Variants in NPR2 observed in about 807,000 individuals in gnomAD.
The protein encoded by NPR2 is natriuretic peptide receptor 2, also known as atrial natriuretic peptide receptor 2.
A neutral mutation model predicts 120.7 loss-of-function variants in NPR2; 49 were observed. That is an observed-to-expected ratio of 0.41 (90% confidence interval 0.32 to 0.52). NPR2 has a LOEUF of 0.52. Ranked by LOEUF, NPR2 falls within the 20% of genes least tolerant of loss-of-function variation. The pLI is 0.36. For synonymous variants in NPR2, 484 were observed against 519.8 expected, an observed-to-expected ratio of 0.93 and a Z score of 0.94; for missense variants, 931 against 1,362.9, an observed-to-expected ratio of 0.68 and a Z score of 4.99.
chr9:35,794,203 A>G (rs749591304), intron 2 of NPR2, 100 bp downstream of exon 2: 5 of 1,117,644 alleles, frequency 4.5e-6, no homozygotes, highest in Non-Finnish European at 6.4e-6. Flanking sequence ...CCAGGCAGGA[A>G]TTGTGAGCCA....
intron 2 of NPR2, among the ~76,000 whole-genome samples, chr9:35,794,996 C>T (rs775084743): frequency 9.9e-5 from 15 of 152,176 alleles, no homozygotes; most frequent in South Asian, 8.3e-4. Context: ...TGGAAAGAAA[C>T]GCATTTCAGA....
At position 35,793,060 on chromosome 9, in the gene NPR2, C is replaced by A; in HGVS notation, c.652C>A (p.Arg218=). 1 of 1,597,500 alleles carries A rather than the reference C, an allele frequency of 6.3e-7. No homozygotes were observed. Residue 218 remains arginine (R), a synonymous_variant, in exon 1 of 22, where the codon CGG becomes AGG. Transcript: ENST00000342694. ...CCCCGAGCAGGCCACCCACTTCATC[C>A]GGGCCAACGGGCGCAGTGAGTGTGG... ...GGPEQATHFI[R]ANGRIVYICG...
intron 12 of NPR2, among the ~76,000 whole-genome samples, chr9:35,804,981 C>A (rs1828310788): frequency 1.3e-5 from 2 of 148,246 alleles, no homozygotes; most frequent in South Asian, 4.5e-4. Context: ...TCCTCCTCTA[C>A]CCCGACCTGC....
At chr9:35,799,975 G>C in intron 3 of NPR2, 47 bp from the exon 4 acceptor site, 4 of 1,612,404 alleles carry the variant, frequency 2.5e-6, no homozygotes, top group Admixed American at 1.7e-5. Flanking sequence ...GAGGGGAAGG[G>C]GCCTTGCAGG....
chr9:35,803,473 C>T (rs1344321824), intron 12 of NPR2, among the ~76,000 whole-genome samples: 2 of 152,126 alleles, frequency 1.3e-5, no homozygotes, highest in Non-Finnish European at 2.9e-5. Context: ...CCTGTTTTTC[C>T]TCTCATTATT....
intron 2 of NPR2, among the ~76,000 whole-genome samples, chr9:35,795,754 T>C (rs1253606571): frequency 6.6e-6 from 1 of 152,252 alleles, no homozygotes; most frequent in African/African-American, 2.4e-5. Context: ...ACCAGTTATT[T>C]TCCTTTCTAG....
At position 35,802,996 on chromosome 9, in the gene NPR2, G is replaced by A. The variant is rs780750167; in HGVS notation, c.1887+193G>A. Reference sequence around the variant, plus strand: ...GACAGTGAGTTTTACCTGCCACAAGGAGTCCTGTGCCTGTAGAGAGTTTCT... The same window carrying A: ...GACAGTGAGTTTTACCTGCCACAAGAAGTCCTGTGCCTGTAGAGAGTTTCT... On this transcript the variant is annotated intron_variant, in intron 12 of 21. Coordinates refer to ENST00000342694, the MANE Select transcript of NPR2 (RefSeq NM_003995.4). The surrounding 1 kb of genome is among the most constrained non-coding windows in gnomAD (Gnocchi z 4.2). Among the ~76,000 whole-genome samples the A allele has an allele frequency of 4.3e-4, 66 of 152,322 alleles. No individual in the cohort carries two copies. Among genetic ancestry groups the A allele is most frequent in the Admixed American group, 1.2e-3 (19 of 15,302 alleles).
Position 35,800,757 on chromosome 9 carries a change from C to T in NPR2, c.1267C>T (p.Arg423Trp), listed in dbSNP as rs143599560. The T allele has an allele frequency of 5.9e-5, 95 of 1,614,014 alleles. No homozygotes were observed. Among genetic ancestry groups the T allele is most frequent in the Middle Eastern group, 4.9e-4 (3 of 6,084 alleles). ...GAEKQIWWTG[R>W]PIPWVKGAPP... ...TGAGAAGCAGATTTGGTGGACGGGA[C>T]GGCCTATTCCCTGGGTGAAGGGGGC... The change falls in exon 6 of 22, where the codon CGG becomes TGG. Residue 423 changes from arginine to tryptophan, a missense_variant. Coordinates refer to ENST00000342694, the MANE Select transcript of NPR2 (RefSeq NM_003995.4). The surrounding 1 kb of genome is among the most constrained non-coding windows in gnomAD (Gnocchi z 4.7).
At position 35,792,852 on chromosome 9, in the gene NPR2, G is replaced by A. The variant is rs1827829331; in HGVS notation, c.444G>A (p.Lys148=). 6.2e-7 allele frequency: 1 copy of A among 1,614,204 alleles called. No homozygotes were observed. The highest frequency in any genetic ancestry group is 1.3e-5 in the African/African-American group (1 of 75,050). ...TTCGCACTGGCCCCTCTGCTCCCAAGCTGGGTGAGTTTGTGGTGACACTAC... is the reference window on the plus strand; with the variant it reads ...TTCGCACTGGCCCCTCTGCTCCCAAACTGGGTGAGTTTGTGGTGACACTAC... ...TLVRTGPSAP[K]LGEFVVTLHG... The change falls in exon 1 of 22, where the codon AAG becomes AAA. Residue 148 remains lysine (K), a synonymous_variant. Coordinates refer to ENST00000342694, the MANE Select transcript of NPR2 (RefSeq NM_003995.4).
Position 35,807,396 on chromosome 9 carries a change from A to T in NPR2, c.2710A>T (p.Lys904Ter). Residue 904 changes from lysine to a stop codon, truncating the protein, a stop_gained and splice_region_variant, in exon 18 of 22, where the codon AAG becomes TAG. Transcript: ENST00000342694. LOFTEE classifies it high-confidence loss of function. ...CATAATTGACAACTTTGATGTCTAC[A>T]AGGTGAGAGCTGGGGCCGCTGTTCA... ...DAIIDNFDVY[K>*]VETIGDAYMV... The T allele has an allele frequency of 6.2e-7, 1 of 1,603,782 alleles. No homozygotes were observed. The highest frequency in any genetic ancestry group is 8.5e-7 in the Non-Finnish European group (1 of 1,173,456).
chr9:35,793,088 T>C lies in NPR2; in HGVS notation c.667+13T>C, dbSNP rs866347122. 2 of 1,580,426 alleles carry C rather than the reference T, an allele frequency of 1.3e-6. No homozygotes were observed. The highest frequency in any genetic ancestry group is 1.7e-4 in the Middle Eastern group (1 of 5,962). On this transcript the variant is annotated intron_variant, in intron 1 of 21. Coordinates refer to ENST00000342694, the MANE Select transcript of NPR2 (RefSeq NM_003995.4). ...GCCAACGGGCGCAGTGAGTGTGGCC[T>C]GGGCTATTTTAGGGTCATGGGAGGA... is the stretch of plus-strand genomic sequence containing the variant.
In NPR2 at chr9:35,807,142, T is replaced by A; in HGVS notation, c.2639T>A (p.Met880Lys). Reference sequence around the variant, plus strand: ...GCATTGTCAGCAGAGAGCACCCCCATGCAGGTGAGAGCCATGGGTGAGAGG... The same window carrying A: ...GCATTGTCAGCAGAGAGCACCCCCAAGCAGGTGAGAGCCATGGGTGAGAGG... The part of the protein sequence containing the change: ...FTALSAESTP[M>K]QVVTLLNDLY... The change falls in exon 17 of 22, where the codon ATG becomes AAG. Residue 880 changes from methionine to lysine, a missense_variant. Met to Lys is a moderately conservative substitution (Grantham distance 95). This residue lies in a region of NPR2 where 184 missense variants were observed against 328.3 expected (regional missense o/e 0.56). Coordinates refer to ENST00000342694, the MANE Select transcript of NPR2 (RefSeq NM_003995.4). 1 of 1,369,368 alleles carries A rather than the reference T, an allele frequency of 7.3e-7. No individual in the cohort carries two copies. Among genetic ancestry groups the A allele is most frequent in the Non-Finnish European group, 9.7e-7 (1 of 1,029,598 alleles). The allele number at this position is 1,369,368 out of a possible 1,614,324, so 84.8% of individuals were successfully genotyped here.
intron 2 of NPR2, among the ~76,000 whole-genome samples, chr9:35,794,622 A>G (rs889253411): frequency 6.6e-6 from 1 of 152,200 alleles, no homozygotes; most frequent in African/African-American, 2.4e-5. Flanking sequence ...TGTCATATTC[A>G]TAGTCAGAGT....
In NPR2 at chr9:35,802,238, G is replaced by A. The variant is rs762636361; in HGVS notation, c.1665G>A (p.Lys555=). Residue 555 remains lysine, a synonymous_variant, in exon 10 of 22, where the codon AAG becomes AAA. Transcript: ENST00000342694. The surrounding 1 kb of genome is among the most constrained non-coding windows in gnomAD (Gnocchi z 4.2). ...TTGTCGCCATCAAACATGTGAATAA[G>A]AAGCGCATTGAGCTGACCCGGCAGG... ...GNVVAIKHVN[K]KRIELTRQVL... is the part of the protein sequence containing the mutation. 6 of 1,609,382 alleles carry A rather than the reference G, an allele frequency of 3.7e-6. No individual in the cohort carries two copies. Among genetic ancestry groups the A allele is most frequent in the Non-Finnish European group, 4.3e-6 (5 of 1,175,974 alleles).
chr9:35,803,022 A>G (rs113097205), intron 12 of NPR2, among the ~76,000 whole-genome samples: 4 of 152,232 alleles, frequency 2.6e-5, no homozygotes, highest in Admixed American at 1.3e-4. Context: ...GAGAGTTTCT[A>G]TCTTTCTGTC....
rs1157771107 is a variant in NPR2, at chr9:35,806,066, G to A, written c.2205G>A (p.Glu735=). 6.2e-7 allele frequency: 1 copy of A among 1,614,166 alleles called. No individual in the cohort carries two copies. The highest frequency in any genetic ancestry group is 1.1e-5 in the South Asian group (1 of 91,088). ...ATCCAAACCTTTGATCACCCTCAGA[G>A]ATTGTCCAGAAGGTACGAAATGGTC... ...YLEGLDLSPK[E]IVQKVRNGQR... Residue 735 remains glutamate, a splice_region_variant and synonymous_variant, in exon 15 of 22, where the codon GAG becomes GAA. Transcript: ENST00000342694. The surrounding 1 kb of genome is among the most constrained non-coding windows in gnomAD (Gnocchi z 4.6).
rs150358845 is a variant in NPR2, at chr9:35,808,591, G to A, written c.2795G>A (p.Arg932His). 75 of 1,614,092 alleles carry A rather than the reference G, an allele frequency of 4.6e-5. No homozygotes were observed. Among genetic ancestry groups the A allele is most frequent in the Non-Finnish European group, 5.9e-5 (70 of 1,179,980 alleles). The part of the protein sequence containing the change: ...NGQRHAPEIA[R>H]MALALLDAVS... The stretch of plus-strand genomic sequence containing the variant: ...CAACGCCATGCACCAGAAATTGCTC[G>A]TATGGCCCTAGCATTACTAGATGCA... Residue 932 changes from arginine (R) to histidine (H), a missense_variant, in exon 19 of 22, where the codon CGT becomes CAT. Arg to His is a conservative substitution (Grantham distance 29). Transcript: ENST00000342694. The surrounding 1 kb of genome is among the most constrained non-coding windows in gnomAD (Gnocchi z 4.0).
rs201417165 is a variant in NPR2, at chr9:35,792,986, G to A, written c.578G>A (p.Gly193Asp). The stretch of plus-strand genomic sequence containing the variant: ...GAGGGCGTCTTTGAGGCCCTGCAGG[G>A]CAGCAACCTCAGTGTGCAGCACCAG... ...TIEGVFEALQGSNLSVQHQVY... is the reference protein window; with the variant it reads ...TIEGVFEALQDSNLSVQHQVY... The change falls in exon 1 of 22, where the codon GGC (glycine) becomes GAC (aspartate). Residue 193 changes from glycine (G) to aspartate (D), a missense_variant. By Grantham distance (94) the Gly-to-Asp change is moderately conservative (BLOSUM62 -1). This residue lies in a region of NPR2 where 681 missense variants were observed against 974.3 expected (regional missense o/e 0.70). Coordinates refer to ENST00000342694, the MANE Select transcript of NPR2 (RefSeq NM_003995.4). 15 of 1,613,684 alleles carry A rather than the reference G, an allele frequency of 9.3e-6. No homozygotes were observed. Among genetic ancestry groups the A allele is most frequent in the South Asian group, 1.1e-5 (1 of 91,074 alleles).
rs1442652387 is a variant in NPR2, at chr9:35,809,130, C to T, written c.2987-26C>T. The T allele has an allele frequency of 1.9e-6, 3 of 1,586,128 alleles. No homozygotes were observed. The Admixed American group carries it at 5.0e-5, about 26-fold the overall frequency. On this transcript the variant is annotated intron_variant, in intron 20 of 21. Coordinates refer to ENST00000342694, the MANE Select transcript of NPR2 (RefSeq NM_003995.4). This position sits in a 1 kb window ranked among gnomAD's most constrained non-coding sequence, Gnocchi z 4.1. ...CCTTTTCTTTGATTCCTCATTCCAC[C>T]ATCCTCCCCATTCCACCCACCCCAG... is the stretch of plus-strand genomic sequence containing the variant.
Sources: allele counts gnomAD v4.1 joint callset (sites outside exome capture counted in the v4.1 genomes callset), GRCh38; gene constraint gnomAD v4.1.1; regional missense constraint gnomAD v4.1.1; non-coding constraint Gnocchi (gnomAD v3.1); transcripts MANE v1.5; gene names NCBI Gene and HGNC (gene_info 2026-07-23, HGNC 2026-07-21).